The following EFCAB13 variants were observed in gnomAD, a reference collection of about 807,000 sequenced individuals.
The protein encoded by EFCAB13 is EF-hand calcium-binding domain-containing protein 13.
EFCAB13 carries 91 observed loss-of-function variants against 110.2 expected under a neutral mutation model. That is an observed-to-expected ratio of 0.83 (90% CI 0.70 to 0.98). EFCAB13 has a LOEUF of 0.98. Among genes scored for constraint, EFCAB13 ranks in the 50% least tolerant of loss-of-function variants. The pLI is 0.00. For missense variants in EFCAB13, 968 were observed against 1,119.4 expected (o/e 0.86, Z 1.93); for synonymous variants, 323 against 369.9 (o/e 0.87, Z 1.45).
At chr17:47,333,626 G>A (rs2065332507) in intron 4 of EFCAB13, among the ~76,000 whole-genome samples, 1 of 152,122 alleles carries the variant, frequency 6.6e-6, no homozygotes, top group African/African-American at 2.4e-5. Context: ...GTGAGATAAT[G>A]TCCCAATTTC....
intron 9 of EFCAB13, among the ~76,000 whole-genome samples, chr17:47,354,580 C>T (rs151174304): frequency 3.3e-5 from 5 of 152,162 alleles, no homozygotes; most frequent in East Asian, 1.9e-4. Context: ...TTTAGGATTA[C>T]GATATTTTCC....
intron 4 of EFCAB13, among the ~76,000 whole-genome samples, chr17:47,330,796 T>C (rs1428190675): frequency 6.6e-6 from 1 of 152,020 alleles, no homozygotes; most frequent in Non-Finnish European, 1.5e-5. Flanking sequence ...AACAACTTTT[T>C]TTTCCCTTTG....
At chr17:47,370,158 A>G (rs1310779117) in intron 10 of EFCAB13, among the ~76,000 whole-genome samples, 1 of 152,236 alleles carries the variant, frequency 6.6e-6, no homozygotes, top group Non-Finnish European at 1.5e-5. Context: ...AAAAACATGT[A>G]AAATGAAAAA....
intron 9 of EFCAB13, among the ~76,000 whole-genome samples, chr17:47,353,435 C>T (rs1253820784): frequency 6.6e-6 from 1 of 152,004 alleles, no homozygotes; most frequent in African/African-American, 2.4e-5. Flanking sequence ...ACTGGTACTA[C>T]AGGCATGCAC....
chr17:47,419,410 C>G (rs1904555632), intron 23 of EFCAB13, among the ~76,000 whole-genome samples: 1 of 152,096 alleles, frequency 6.6e-6, no homozygotes, highest in Admixed American at 6.5e-5. Flanking sequence ...TGGCAAGACC[C>G]TGTCCCTACA....
chr17:47,419,866 T>A (rs1043237569), intron 23 of EFCAB13, among the ~76,000 whole-genome samples: 43 of 151,998 alleles, frequency 2.8e-4, no homozygotes, highest in East Asian at 1.7e-3. Flanking sequence ...ATAATATTTT[T>A]AAAAAAAACA....
At chr17:47,398,276 G>T (rs1343845418) in intron 17 of EFCAB13, among the ~76,000 whole-genome samples, 1 of 148,798 alleles carries the variant, frequency 6.7e-6, no homozygotes, top group African/African-American at 2.5e-5. Context: ...CACCCCGCCC[G>T]GGAGGTGAGG....
At chr17:47,334,333 T>A (rs2065337027) in intron 4 of EFCAB13, among the ~76,000 whole-genome samples, 1 of 152,118 alleles carries the variant, frequency 6.6e-6, no homozygotes, top group Non-Finnish European at 1.5e-5. Flanking sequence ...GTTTTAAGAG[T>A]TCTTTGTATA....
At chr17:47,339,497 T>G (rs959405154) in intron 5 of EFCAB13, among the ~76,000 whole-genome samples, 3 of 152,110 alleles carry the variant, frequency 2.0e-5, no homozygotes, top group Non-Finnish European at 4.4e-5. Flanking sequence ...TATGAGAATC[T>G]AATGCCGCTG....
chr17:47,386,589 C>G (rs2065677456), intron 14 of EFCAB13, among the ~76,000 whole-genome samples: 1 of 152,142 alleles, frequency 6.6e-6, no homozygotes, highest in Non-Finnish European at 1.5e-5. Flanking sequence ...GTGGGTCCCG[C>G]TGAGCGAGAC....
At chr17:47,423,469 G>C (rs944322335) in intron 23 of EFCAB13, 3 of 212,994 alleles carry the variant, frequency 1.4e-5, no homozygotes, top group Admixed American at 5.9e-5. Context: ...ACCGCGCCTG[G>C]CTGCGGGCGG....
intron 16 of EFCAB13, among the ~76,000 whole-genome samples, chr17:47,394,660 A>G (rs1299014939): frequency 6.6e-6 from 1 of 152,214 alleles, no homozygotes; most frequent in Non-Finnish European, 1.5e-5. Flanking sequence ...CATTCTAAAA[A>G]TTGGGGCTGA....
chr17:47,424,309 C>T (rs1904852146), intron 23 of EFCAB13, among the ~76,000 whole-genome samples: 1 of 152,182 alleles, frequency 6.6e-6, no homozygotes, highest in Non-Finnish European at 1.5e-5. Flanking sequence ...GCTCAGGTGC[C>T]GGACGCTGGC....
At chr17:47,350,076 A>G (rs1484011595) in intron 9 of EFCAB13, among the ~76,000 whole-genome samples, 1 of 152,000 alleles carries the variant, frequency 6.6e-6, no homozygotes, top group Non-Finnish European at 1.5e-5. Context: ...GCCCGGCCTG[A>G]TGTTTCTTAT....
rs1387568412 is a variant in EFCAB13, at chr17:47,374,777, T to A, written c.1183T>A (p.Ser395Thr). ...SKNGINFKKHSEKGEIHDSKS... is the reference protein window; with the variant it reads ...SKNGINFKKHTEKGEIHDSKS... ...GAATGGCATAAACTTTAAAAAACATTCAGAGAAGGGTGAAATTCATGACTC... is the reference window on the plus strand; with the variant it reads ...GAATGGCATAAACTTTAAAAAACATACAGAGAAGGGTGAAATTCATGACTC... Residue 395 changes from serine to threonine, a missense_variant, in exon 12 of 25, where the codon TCA becomes ACA. Physicochemically the swap from Ser to Thr is moderately conservative, Grantham distance 58. Transcript: ENST00000331493. The A allele has an allele frequency of 1.2e-6, 2 of 1,613,948 alleles. No individual in the cohort carries two copies. The highest frequency in any genetic ancestry group is 2.2e-5 in the South Asian group (2 of 91,072).
intron 9 of EFCAB13, among the ~76,000 whole-genome samples, chr17:47,353,359 A>G (rs1328712172): frequency 1.3e-5 from 2 of 151,964 alleles, no homozygotes; most frequent in African/African-American, 2.4e-5. Context: ...CAGTGACACA[A>G]TCTTGGCTCA....
At chr17:47,353,168 A>G (rs4968257) in intron 9 of EFCAB13, among the ~76,000 whole-genome samples, 98,139 of 151,910 alleles carry the variant, frequency 0.65, 32,132 homozygotes, top group African/African-American at 0.73. Context: ...GGTTCTTAGG[A>G]GGAATGCTTT....
At chr17:47,324,403 A>G (rs936737101) in intron 1 of EFCAB13, 51 bp from the exon 2 acceptor site, 3 of 152,026 alleles carry the variant, frequency 2.0e-5, no homozygotes, top group African/African-American at 4.8e-5. Flanking sequence ...ACTCATTTCC[A>G]TCTTGCGGGT....
chr17:47,360,531 T>G (rs1467112234), intron 9 of EFCAB13, among the ~76,000 whole-genome samples: 3 of 152,242 alleles, frequency 2.0e-5, no homozygotes, highest in African/African-American at 7.2e-5. Context: ...TATTAGCCCT[T>G]TGTCAGATGA....
Sources: gnomAD v4.1 joint callset for allele counts (sites outside exome capture counted in the v4.1 genomes callset) on GRCh38, gnomAD v4.1.1 for gene constraint, MANE v1.5 for transcripts, NCBI Gene and HGNC (gene_info 2026-07-23, HGNC 2026-07-21) for gene names.